MPRIP: variants seen among roughly 807,000 people sequenced by gnomAD.
The protein encoded by MPRIP is myosin phosphatase Rho-interacting protein.
Under a neutral mutation model 234.9 loss-of-function variants are expected in MPRIP, and 59 were observed. The observed-to-expected ratio is 0.25, with a 90% CI of 0.20 to 0.31. The LOEUF (loss-of-function observed/expected upper bound fraction) is 0.31, where lower values mean the gene tolerates loss of function less well. MPRIP is among the 10% of genes least tolerant of loss of function. The probability of loss-of-function intolerance (pLI) is 1.00; values close to 1 mark genes in which losing one functional copy is unlikely to be tolerated. For missense variants in MPRIP, 2,436 were observed against 3,071.0 expected (o/e 0.79, Z 4.89); for synonymous variants, 1,144 against 1,263.9 (o/e 0.91, Z 2.01).
At chr17:17,084,518 G>T (rs993624315) in intron 3 of MPRIP, among the ~76,000 whole-genome samples, 1 of 152,252 alleles carries the variant, frequency 6.6e-6, no homozygotes, top group Non-Finnish European at 1.5e-5. Context: ...GAGAGATTGC[G>T]AGGTGGCTCA....
intron 3 of MPRIP, among the ~76,000 whole-genome samples, chr17:17,123,058 A>G (rs1233032642): frequency 1.3e-5 from 2 of 152,262 alleles, no homozygotes; most frequent in Admixed American, 6.5e-5. Flanking sequence ...AAAGACTGAC[A>G]CATGCTGCAA....
intron 3 of MPRIP, among the ~76,000 whole-genome samples, chr17:17,112,507 C>T (rs1046876202): frequency 3.3e-5 from 5 of 152,306 alleles, no homozygotes; most frequent in Middle Eastern, 3.4e-3. Flanking sequence ...GGCCCTGCCC[C>T]GCAGCCCCAG....
chr17:17,120,227 C>T lies in MPRIP; in HGVS notation c.268-6475C>T, dbSNP rs112807069. Among the ~76,000 whole-genome samples the T allele has an allele frequency of 8.7e-3, 1,331 of 152,310 alleles. 19 individuals are homozygous for T. The highest frequency in any genetic ancestry group is 0.03 in the African/African-American group (1,257 of 41,552). ...CTCTCACCATATTTCTGCTTACTTT[C>T]CTCTTGTTTCCCTCTGGCTCTTAGA... On this transcript the variant is annotated intron_variant, in intron 3 of 23. Transcript: ENST00000651222.
chr17:17,114,677 A>G (rs568179738), intron 3 of MPRIP, among the ~76,000 whole-genome samples: 1 of 150,858 alleles, frequency 6.6e-6, no homozygotes, highest in Non-Finnish European at 1.5e-5. Flanking sequence ...CCCAGTTCCC[A>G]TGCCTCTCCT....
chr17:17,138,160 C>A lies in MPRIP; in HGVS notation c.981C>A (p.Cys327Ter). 1.6e-6 allele frequency: 2 copies of A among 1,243,858 alleles called. No homozygotes were observed. The highest frequency in any genetic ancestry group is 1.1e-6 in the Non-Finnish European group (1 of 895,436). The allele number at this position is 1,243,858 out of a possible 1,614,324, so 77.1% of individuals were successfully genotyped here. A position where few individuals can be genotyped will look rare whatever the true frequency, so the allele number is the denominator to read the frequency against. The change falls in exon 7 of 24, where the codon TGC becomes TGA. Residue 327 changes from cysteine (C) to a stop codon, truncating the protein, a stop_gained. Transcript: ENST00000651222. LOFTEE classifies it high-confidence loss of function. The surrounding 1 kb of genome is among the most constrained non-coding windows in gnomAD (Gnocchi z 5.8). Reference sequence around the variant, plus strand: ...CTCGACTCCCCCACCAAATGGTCTGCAGCATCTCCCTCAGCTCCCTGGATG... The same window carrying A: ...CTCGACTCCCCCACCAAATGGTCTGAAGCATCTCCCTCAGCTCCCTGGATG... ...PGPRLPHQMV[C>*]SISLSSLDVA...
At chr17:17,105,297 A>C (rs1597810393) in intron 3 of MPRIP, among the ~76,000 whole-genome samples, 1 of 152,176 alleles carries the variant, frequency 6.6e-6, no homozygotes, top group East Asian at 1.9e-4. Context: ...CAGCACCCCC[A>C]GGCAGCCCCT....
intron 1 of MPRIP, among the ~76,000 whole-genome samples, chr17:17,050,880 C>T (rs1160321368): frequency 6.6e-6 from 1 of 152,200 alleles, no homozygotes; most frequent in Non-Finnish European, 1.5e-5. Context: ...ACTGGACGTG[C>T]AATGTTCCAG....
Position 17,078,621 on chromosome 17 carries a change from C to G in MPRIP, c.267+545C>G, listed in dbSNP as rs778172621. On this transcript the variant is annotated intron_variant, in intron 3 of 23. Transcript: ENST00000651222. The surrounding 1 kb of genome is among the most constrained non-coding windows in gnomAD (Gnocchi z 4.3). ...CTAAACCAGGCAGACAGGCTTCTTCCTCCTCCCCACCTCCCTGGTTTTCCA... is the reference window on the plus strand; with the variant it reads ...CTAAACCAGGCAGACAGGCTTCTTCGTCCTCCCCACCTCCCTGGTTTTCCA... Among the ~76,000 whole-genome samples the G allele has an allele frequency of 6.6e-6, 1 of 152,226 alleles. No homozygotes were observed. The highest frequency in any genetic ancestry group is 1.5e-5 in the Non-Finnish European group (1 of 68,038).
intron 13 of MPRIP, among the ~76,000 whole-genome samples, chr17:17,154,759 C>G (rs2045690464): frequency 6.6e-6 from 1 of 152,258 alleles, no homozygotes; most frequent in African/African-American, 2.4e-5. Context: ...GCCTTGGGCT[C>G]TGCTGCTCTA....
chr17:17,104,740 G>A (rs1567717390), intron 3 of MPRIP, among the ~76,000 whole-genome samples: 1 of 152,170 alleles, frequency 6.6e-6, no homozygotes, highest in Non-Finnish European at 1.5e-5. Flanking sequence ...CTTGCTGCAG[G>A]GAGCCGCTGC....
intron 1 of MPRIP, among the ~76,000 whole-genome samples, chr17:17,058,645 A>G (rs2088779598): frequency 6.6e-6 from 1 of 152,180 alleles, no homozygotes; most frequent in Non-Finnish European, 1.5e-5. Flanking sequence ...CTCCTCACCA[A>G]GGCAGAGGTC....
At position 17,166,692 on chromosome 17, in the gene MPRIP, C is replaced by T; in HGVS notation, c.5101C>T (p.Leu1701=). ...QETLRGTQTA[L]RQHKCLLREI... ...GACCCTGCGGGGCACCCAGACGGCC[C>T]TGCGGCAGCACAAATGCCTGCTGAG... The change falls in exon 16 of 24, where the codon CTG becomes TTG. Residue 1701 remains leucine (L), a synonymous_variant. Transcript: ENST00000651222. The surrounding 1 kb of genome is among the most constrained non-coding windows in gnomAD (Gnocchi z 4.4). 1 of 1,304,002 alleles carries T rather than the reference C, an allele frequency of 7.7e-7. No homozygotes were observed. Among genetic ancestry groups the T allele is most frequent in the Non-Finnish European group, 1.0e-6 (1 of 988,908 alleles). The allele number at this position is 1,304,002 out of a possible 1,614,324, so 80.8% of individuals were successfully genotyped here. A position where few individuals can be genotyped will look rare whatever the true frequency, so the allele number is the denominator to read the frequency against.
chr17:17,175,456 A>C (rs1412229394), intron 20 of MPRIP, 44 bp downstream of exon 20: 169 of 1,541,024 alleles, frequency 1.1e-4, no homozygotes, highest in Non-Finnish European at 1.5e-4. Flanking sequence ...CTCTGCACCC[A>C]GGAACCCCAG....
chr17:17,118,193 G>A (rs1231036314), intron 3 of MPRIP, among the ~76,000 whole-genome samples: 1 of 152,240 alleles, frequency 6.6e-6, no homozygotes, highest in African/African-American at 2.4e-5. Flanking sequence ...GTCATGGGGT[G>A]GTCTCCCGGC....
intron 12 of MPRIP, among the ~76,000 whole-genome samples, chr17:17,152,726 A>G (rs1037877684): frequency 5.9e-5 from 9 of 152,232 alleles, no homozygotes; most frequent in African/African-American, 2.2e-4. Context: ...AGAAGATGCC[A>G]GTCAGTTGTG....
intron 12 of MPRIP, among the ~76,000 whole-genome samples, chr17:17,153,566 C>T (rs1484336992): frequency 6.6e-6 from 1 of 151,502 alleles, no homozygotes; most frequent in East Asian, 2.0e-4. Flanking sequence ...CCAAAACAGG[C>T]TCCTCCCCTG....
At chr17:17,163,778 C>T (rs773525959) in intron 15 of MPRIP, among the ~76,000 whole-genome samples, 3 of 152,124 alleles carry the variant, frequency 2.0e-5, no homozygotes, top group African/African-American at 4.8e-5. Context: ...CTCTTCCTGG[C>T]GCTCTCTTGT....
chr17:17,057,533 C>T (rs2143896960), intron 1 of MPRIP: 4 of 707,886 alleles, frequency 5.7e-6, no homozygotes, highest in Admixed American at 2.0e-5. Flanking sequence ...CCCACAGAGC[C>T]CCACAGTGGT....
chr17:17,103,777 A>G (rs2090009924), intron 3 of MPRIP, among the ~76,000 whole-genome samples: 1 of 152,244 alleles, frequency 6.6e-6, no homozygotes, highest in Non-Finnish European at 1.5e-5. Context: ...GGTTTTAAAA[A>G]TGCTGTCCTA....
Sources: gnomAD v4.1 joint callset for allele counts (sites outside exome capture counted in the v4.1 genomes callset) on GRCh38, gnomAD v4.1.1 for gene constraint, Gnocchi (gnomAD v3.1) non-coding constraint, MANE v1.5 for transcripts, NCBI Gene and HGNC (gene_info 2026-07-23, HGNC 2026-07-21) for gene names.